The following SINHCAF variants were observed in gnomAD, a reference collection of about 807,000 sequenced individuals.
SINHCAF encodes the protein SIN3-HDAC complex associated factor.
Under a neutral mutation model 25.8 loss-of-function variants are expected in SINHCAF, and 3 were observed. The observed-to-expected ratio is 0.12, with a 90% CI of 0.05 to 0.30. The LOEUF is 0.30. Ranked by LOEUF, SINHCAF falls within the 10% of genes least tolerant of loss-of-function variation. The pLI is 1.00. For synonymous variants in SINHCAF, 70 were observed against 85.5 expected (o/e 0.82, Z 1.00); for missense variants, 121 against 262.3 (o/e 0.46, Z 3.72).
chr12:31,315,083 C>T (rs767150672), intron 1 of SINHCAF, among the ~76,000 whole-genome samples: 3 of 152,228 alleles, frequency 2.0e-5, no homozygotes, highest in Non-Finnish European at 4.4e-5. Flanking sequence ...CCAGGAAGCA[C>T]AAGTTCCAGT....
At chr12:31,294,985 G>A (rs987814308) in intron 3 of SINHCAF, among the ~76,000 whole-genome samples, 1 of 152,102 alleles carries the variant, frequency 6.6e-6, no homozygotes, top group East Asian at 1.9e-4. Context: ...CTAAAAACAG[G>A]TGAATGCTTA....
intron 1 of SINHCAF, among the ~76,000 whole-genome samples, chr12:31,299,392 C>T (rs139508655): frequency 1.3e-3 from 191 of 152,128 alleles, no homozygotes; most frequent in African/African-American, 4.6e-3. Flanking sequence ...TCTAGGCTCA[C>T]TGCAAGCTCT....
At chr12:31,303,992 A>AG (rs764336354) in intron 1 of SINHCAF, 3 of 151,676 alleles carry the variant, frequency 2.0e-5, no homozygotes, top group Non-Finnish European at 4.4e-5. Flanking sequence ...TACTGCACAG[A>AG]CTCCTTGTCC....
At position 31,324,131 on chromosome 12, in the gene SINHCAF, G is replaced by A. The variant is rs1292818651; in HGVS notation, c.-21+1893C>T. The A allele has an allele frequency of 2.2e-5, 10 of 450,934 alleles. No homozygotes were observed. The highest frequency in any genetic ancestry group is 4.4e-5 in the Non-Finnish European group (10 of 225,004). The allele number at this position is 450,934 out of a possible 1,614,324, so 27.9% of individuals were successfully genotyped here. On this transcript the variant is annotated intron_variant, in intron 1 of 5. Coordinates refer to ENST00000337682, the MANE Select transcript of SINHCAF (RefSeq NM_001135812.2). This position sits in a 1 kb window ranked among gnomAD's most constrained non-coding sequence, Gnocchi z 5.5. The stretch of plus-strand genomic sequence containing the variant: ...CAGCGGGAGGTGAACCGCGTCGCTC[G>A]CCGCCACCTCCCTCACCTGCGCCGG...
chr12:31,294,351 A>G (rs1043685376), intron 3 of SINHCAF, among the ~76,000 whole-genome samples: 3 of 152,212 alleles, frequency 2.0e-5, no homozygotes, highest in Non-Finnish European at 4.4e-5. Context: ...TTTTAGACAG[A>G]AGGAAAACAA....
chr12:31,314,034 A>C (rs1295750270), intron 1 of SINHCAF, among the ~76,000 whole-genome samples: 2 of 151,906 alleles, frequency 1.3e-5, no homozygotes, highest in Admixed American at 1.3e-4. Context: ...TCCCAGAATG[A>C]GGCAACCACA....
At chr12:31,297,636 C>T (rs1186581891) in intron 2 of SINHCAF, among the ~76,000 whole-genome samples, 1 of 151,646 alleles carries the variant, frequency 6.6e-6, no homozygotes, top group Non-Finnish European at 1.5e-5. Context: ...CCACGCCCAG[C>T]TTATTTTTGT....
At chr12:31,308,610 G>A (rs1185626927) in intron 1 of SINHCAF, among the ~76,000 whole-genome samples, 2 of 152,176 alleles carry the variant, frequency 1.3e-5, no homozygotes, top group Non-Finnish European at 2.9e-5. Flanking sequence ...GAGCAAAGGA[G>A]GAGGTATGCA....
chr12:31,320,978 A>T (rs1382293678), intron 1 of SINHCAF, among the ~76,000 whole-genome samples: 1 of 152,240 alleles, frequency 6.6e-6, no homozygotes, highest in Non-Finnish European at 1.5e-5. Context: ...GCTAGAAATA[A>T]ATTCTTTTAG....
rs1180679553 is a variant in SINHCAF at position 31,281,548 on chromosome 12, A to G, written c.*1164T>C. ...TCACAGAAGTCATGTAACACAAACA[A>G]AAGTCGATTATATTTACACACTCAG... On this transcript the variant is annotated 3_prime_UTR_variant, in exon 6 of 6. Coordinates refer to ENST00000337682, the MANE Select transcript of SINHCAF (RefSeq NM_001135812.2). 6.6e-6 allele frequency: 1 copy of G among 152,240 alleles called. No homozygotes were observed. Among genetic ancestry groups the G allele is most frequent in the African/African-American group, 2.4e-5 (1 of 41,456 alleles). 9.4% of individuals were successfully genotyped at this position (152,240 alleles called of 1,614,324 possible).
intron 1 of SINHCAF, among the ~76,000 whole-genome samples, chr12:31,310,332 A>G (rs1939215862): frequency 6.6e-6 from 1 of 152,168 alleles, no homozygotes; most frequent in Non-Finnish European, 1.5e-5. Context: ...TCCTGTGCCT[A>G]CTATTGTGTT....
chr12:31,321,457 A>G (rs547273564), intron 1 of SINHCAF, among the ~76,000 whole-genome samples: 2 of 152,340 alleles, frequency 1.3e-5, no homozygotes, highest in South Asian at 2.1e-4. Flanking sequence ...CCCAGAAACG[A>G]TAACTGACAC....
At chr12:31,305,630 T>C (rs1022429667) in intron 1 of SINHCAF, among the ~76,000 whole-genome samples, 1 of 152,070 alleles carries the variant, frequency 6.6e-6, no homozygotes, top group African/African-American at 2.4e-5. Context: ...TATTCCATTG[T>C]TCCATTCTAC....
In SINHCAF at chr12:31,282,641, G is replaced by T; in HGVS notation, c.*71C>A. The T allele has an allele frequency of 7.3e-7, 1 of 1,361,312 alleles. No individual in the cohort carries two copies. 84.3% of individuals were successfully genotyped at this position (1,361,312 alleles called of 1,614,324 possible). The stretch of plus-strand genomic sequence containing the variant: ...CCGTCTCAAAAAAAAAAGAGGGTCA[G>T]TTTGTAGCTTTGTGGTTTTTCAAAA... On this transcript the variant is annotated 3_prime_UTR_variant, in exon 6 of 6. Coordinates refer to ENST00000337682, the MANE Select transcript of SINHCAF (RefSeq NM_001135812.2).
At chr12:31,323,438 T>C (rs1017022733) in intron 1 of SINHCAF, among the ~76,000 whole-genome samples, 1 of 152,182 alleles carries the variant, frequency 6.6e-6, no homozygotes, top group Non-Finnish European at 1.5e-5. Flanking sequence ...AAGAAAAGCT[T>C]TTCTTAACCC....
At chr12:31,288,576 C>T (rs2137074717) in intron 4 of SINHCAF, among the ~76,000 whole-genome samples, 1 of 152,286 alleles carries the variant, frequency 6.6e-6, no homozygotes, top group South Asian at 2.1e-4. Flanking sequence ...CCCCTCCCCC[C>T]AACCTCAGAT....
At position 31,305,528 on chromosome 12, in the gene SINHCAF, G is replaced by C. The variant is rs747363324; in HGVS notation, c.-20-7304C>G. Among the ~76,000 whole-genome samples, 57 of 152,258 alleles carry C rather than the reference G, an allele frequency of 3.7e-4. 1 individual carries two copies. Among genetic ancestry groups the C allele is most frequent in the Non-Finnish European group, 6.6e-4 (45 of 68,038 alleles). ...CAAGGGGAGTGCCTTCAGCCTAGCA[G>C]AGGTGAAAAGCCTCCATAAATTTAG... On this transcript the variant is annotated intron_variant, in intron 1 of 5. Coordinates refer to ENST00000337682, the MANE Select transcript of SINHCAF (RefSeq NM_001135812.2).
At chr12:31,290,300 C>A (rs1485786732) in intron 4 of SINHCAF, among the ~76,000 whole-genome samples, 1 of 152,038 alleles carries the variant, frequency 6.6e-6, no homozygotes, top group Non-Finnish European at 1.5e-5. Flanking sequence ...CACTACCACA[C>A]CCAACTAATT....
intron 1 of SINHCAF, chr12:31,312,117 C>A (rs1939293414): frequency 2.3e-6 from 1 of 441,436 alleles, no homozygotes; most frequent in Admixed American, 2.7e-5. Flanking sequence ...ACATTTATCA[C>A]CATCAATTGG....
Sources: allele counts gnomAD v4.1 joint callset (sites outside exome capture counted in the v4.1 genomes callset), GRCh38; gene constraint gnomAD v4.1.1; non-coding constraint Gnocchi (gnomAD v3.1); transcripts MANE v1.5; gene names NCBI Gene and HGNC (gene_info 2026-07-23, HGNC 2026-07-21).